The following SEL1L2 variants were observed in gnomAD, a reference collection of about 807,000 sequenced individuals.
SEL1L2 encodes the protein SEL1L2 adaptor subunit of SYVN1 ubiquitin ligase, also known as protein sel-1 homolog 2.
A neutral mutation model predicts 98.8 loss-of-function variants in SEL1L2; 89 were observed. That is an observed-to-expected ratio of 0.90 (90% CI 0.76 to 1.07). The LOEUF (loss-of-function observed/expected upper bound fraction) is 1.07, where lower values mean the gene tolerates loss of function less well. Among genes scored for constraint, SEL1L2 ranks in the 50% least tolerant of loss-of-function variants. SEL1L2 has a pLI of 0.00. For missense variants in SEL1L2, 788 were observed against 812.0 expected, an observed-to-expected ratio of 0.97 and a Z score of 0.36; for synonymous variants, 262 against 278.5, an observed-to-expected ratio of 0.94 and a Z score of 0.59.
At chr20:13,944,483 C>A (rs928899921) in intron 2 of SEL1L2, among the ~76,000 whole-genome samples, 15 of 152,054 alleles carry the variant, frequency 9.9e-5, no homozygotes, top group African/African-American at 3.6e-4. Flanking sequence ...AGAGGGTGAG[C>A]TTAAGATTTT....
At position 13,888,423 on chromosome 20, in the gene SEL1L2, C is replaced by A; in HGVS notation, c.603+36G>T. The stretch of plus-strand genomic sequence containing the variant: ...TATTCAATGTCCCTTTTAGAGAAAT[C>A]AATTTTGTTCCAGAATAAAACAGAA... On this transcript the variant is annotated intron_variant, in intron 6 of 19. Coordinates refer to ENST00000284951, the MANE Select transcript of SEL1L2 (RefSeq NM_025229.2). 3.7e-6 allele frequency: 5 copies of A among 1,363,408 alleles called. No homozygotes were observed. The South Asian group carries it at 3.7e-5, about 10-fold the overall frequency. The allele number at this position is 1,363,408 out of a possible 1,614,324, so 84.5% of individuals were successfully genotyped here.
intron 1 of SEL1L2, among the ~76,000 whole-genome samples, chr20:13,964,091 G>A (rs1238352112): frequency 2.6e-5 from 4 of 151,968 alleles, no homozygotes; most frequent in Non-Finnish European, 5.9e-5. Flanking sequence ...GGCCAGGCTG[G>A]TCTTGAACTC....
chr20:13,979,733 T>C (rs2051717983), intron 1 of SEL1L2, among the ~76,000 whole-genome samples: 1 of 152,056 alleles, frequency 6.6e-6, no homozygotes, highest in Non-Finnish European at 1.5e-5. Flanking sequence ...GATTTAAGCA[T>C]AAGACCAGAA....
chr20:13,972,776 TG>T (rs2051343318), intron 1 of SEL1L2, among the ~76,000 whole-genome samples: 1 of 152,362 alleles, frequency 6.6e-6, no homozygotes, highest in South Asian at 2.1e-4. Flanking sequence ...GGGTGCTTTT[TG>T]TTTGTAAATA....
At chr20:13,881,654 G>A (rs931852098) in intron 10 of SEL1L2, among the ~76,000 whole-genome samples, 5 of 152,126 alleles carry the variant, frequency 3.3e-5, no homozygotes, top group African/African-American at 1.2e-4. Context: ...GGGTAAAAAC[G>A]TTTTCTGTGA....
At chr20:13,851,787 C>T (rs1301905158) in intron 18 of SEL1L2, among the ~76,000 whole-genome samples, 1 of 151,614 alleles carries the variant, frequency 6.6e-6, no homozygotes, top group Non-Finnish European at 1.5e-5. Context: ...TAATATCTGT[C>T]TTTCTTGCTC....
rs995113229 is a variant in SEL1L2, at chr20:13,887,620, G to T, written c.745+149C>A. On this transcript the variant is annotated intron_variant, in intron 8 of 19. Transcript: ENST00000284951. ...AGTAACTATTAAGGAAACAGAAACT[G>T]TATTATGTTAAAAGAATTGTATTAT... 20 of 573,680 alleles carry T rather than the reference G, an allele frequency of 3.5e-5. No individual in the cohort carries two copies. In the South Asian group the frequency reaches 4.9e-4, roughly 14 times the overall value. The allele number at this position is 573,680 out of a possible 1,614,324, so 35.5% of individuals were successfully genotyped here.
chr20:13,871,202 G>A (rs1263123494), intron 12 of SEL1L2, among the ~76,000 whole-genome samples: 1 of 152,136 alleles, frequency 6.6e-6, no homozygotes, highest in Non-Finnish European at 1.5e-5. Flanking sequence ...AGATAGTAAA[G>A]CATCGTTGGT....
intron 1 of SEL1L2, among the ~76,000 whole-genome samples, chr20:13,959,617 G>A (rs542452190): frequency 1.3e-4 from 20 of 152,282 alleles, no homozygotes; most frequent in South Asian, 4.1e-4. Context: ...GTCGCCAACC[G>A]ACTACCACTT....
intron 1 of SEL1L2, among the ~76,000 whole-genome samples, chr20:13,979,083 A>T (rs184924638): frequency 2.0e-5 from 3 of 152,308 alleles, no homozygotes; most frequent in Admixed American, 2.0e-4. Flanking sequence ...GAAAAGAAAA[A>T]AAGAATGTAA....
At chr20:13,900,546 G>A (rs1342827201) in intron 5 of SEL1L2, among the ~76,000 whole-genome samples, 1 of 152,144 alleles carries the variant, frequency 6.6e-6, no homozygotes, top group South Asian at 2.1e-4. Context: ...AGTAGGAGAT[G>A]AACTTTGGCG....
intron 1 of SEL1L2, 76 bp from the exon 2 acceptor site, chr20:13,956,207 TA>T (rs1038903802): frequency 1.1e-5 from 8 of 738,834 alleles, no homozygotes; most frequent in East Asian, 2.9e-5. Context: ...AATTTATTGT[TA>T]AAAAAACTTC....
At chr20:13,903,563 AAGTATTTAGGAGGCCGAGGC>A (rs1292823686) in intron 5 of SEL1L2, among the ~76,000 whole-genome samples, 3 of 152,216 alleles carry the variant, frequency 2.0e-5, no homozygotes, top group African/African-American at 7.2e-5. Flanking sequence ...CTAGTCGAAG[AAGTATTTAGGAGGCCGAGGC>A]AGGCAGATCT....
intron 2 of SEL1L2, among the ~76,000 whole-genome samples, chr20:13,953,382 T>A (rs2050365507): frequency 6.6e-6 from 1 of 152,188 alleles, no homozygotes; most frequent in Admixed American, 6.5e-5. Context: ...CTTAGCTAGC[T>A]AGACCTCTGA....
intron 4 of SEL1L2, 130 bp from the exon 5 acceptor site, chr20:13,914,074 T>C: frequency 1.4e-6 from 1 of 726,848 alleles, no homozygotes; most frequent in East Asian, 3.2e-5. Flanking sequence ...TGAAGTTCAT[T>C]ACATCTCTAG....
intron 1 of SEL1L2, among the ~76,000 whole-genome samples, chr20:13,974,192 G>A (rs1430311738): frequency 3.9e-5 from 6 of 152,074 alleles, no homozygotes; most frequent in Non-Finnish European, 7.4e-5. Flanking sequence ...CTCTGCTCAG[G>A]GGCACTTGTG....
At chr20:13,928,392 C>T (rs1010842237) in intron 3 of SEL1L2, 1 of 152,200 alleles carries the variant, frequency 6.6e-6, no homozygotes, top group Non-Finnish European at 1.5e-5. Context: ...TGACCCCAGG[C>T]CCTCGGCACA....
At chr20:13,962,635 GA>G (rs1272089831) in intron 1 of SEL1L2, among the ~76,000 whole-genome samples, 1 of 152,202 alleles carries the variant, frequency 6.6e-6, no homozygotes, top group Non-Finnish European at 1.5e-5. Flanking sequence ...ATTGACAACT[GA>G]AATGATTCTG....
In SEL1L2 at chr20:13,913,876, G is replaced by A. The variant is rs1219672653; in HGVS notation, c.455C>T (p.Ala152Val). The change falls in exon 5 of 20, where the codon GCT becomes GTT. Residue 152 changes from alanine to valine, a missense_variant. By Grantham distance (64) the Ala-to-Val change is moderately conservative (BLOSUM62 0). Transcript: ENST00000284951. Reference protein sequence around the residue: ...NLKAMEKMADALLFGNFGVQN... With the variant: ...NLKAMEKMADVLLFGNFGVQN... ...CACGCCAAAATTTCCAAATAGCAAA[G>A]CGTCAGCCATTTTCTCCATAGCTTT... The A allele has an allele frequency of 1.9e-6, 3 of 1,565,534 alleles. No individual in the cohort carries two copies. Among genetic ancestry groups the A allele is most frequent in the Non-Finnish European group, 2.6e-6 (3 of 1,163,310 alleles).
Sources: allele counts gnomAD v4.1 joint callset (sites outside exome capture counted in the v4.1 genomes callset), GRCh38; gene constraint gnomAD v4.1.1; transcripts MANE v1.5; gene names NCBI Gene and HGNC (gene_info 2026-07-23, HGNC 2026-07-21).